SETBP1: variants seen among roughly 807,000 people sequenced by gnomAD.
The protein encoded by SETBP1 is SET-binding protein.
In SETBP1, 9 loss-of-function variants were observed where a neutral mutation model predicts 101.0. The ratio of observed to expected loss-of-function variants is 0.09; its 90% confidence interval spans 0.05 to 0.16. SETBP1 has a LOEUF of 0.16. Ranked by LOEUF, SETBP1 falls within the 10% of genes least tolerant of loss-of-function variation. The pLI, the probability that SETBP1 is intolerant of heterozygous loss-of-function variation, is 1.00. For synonymous variants in SETBP1, 818 were observed against 788.5 expected (o/e 1.04, Z -0.63); for missense variants, 1,858 against 2,033.8 (o/e 0.91, Z 1.66).
At chr18:44,903,723 A>G (rs2070106014) in intron 3 of SETBP1, among the ~76,000 whole-genome samples, 2 of 152,226 alleles carry the variant, frequency 1.3e-5, no homozygotes, top group Admixed American at 1.3e-4. Context: ...ATCACAGACT[A>G]GGTACAAAAT....
chr18:44,903,784 A>G (rs1474819449), intron 3 of SETBP1, among the ~76,000 whole-genome samples: 3 of 152,202 alleles, frequency 2.0e-5, no homozygotes, highest in Non-Finnish European at 4.4e-5. Flanking sequence ...AGTTCATCTA[A>G]TTTCACAGAG....
At chr18:44,992,673 C>T (rs539557429) in intron 4 of SETBP1, among the ~76,000 whole-genome samples, 53 of 152,012 alleles carry the variant, frequency 3.5e-4, no homozygotes, top group Admixed American at 9.8e-4. Flanking sequence ...AGAAAACCCA[C>T]ATTTCCCTTT....
At chr18:44,937,794 T>C (rs1271270496) in intron 3 of SETBP1, among the ~76,000 whole-genome samples, 1 of 152,206 alleles carries the variant, frequency 6.6e-6, no homozygotes, top group East Asian at 1.9e-4. Context: ...GTGACTCTTG[T>C]GCGCTCTGAA....
At chr18:44,779,467 G>C (rs2071078641) in intron 2 of SETBP1, among the ~76,000 whole-genome samples, 1 of 152,220 alleles carries the variant, frequency 6.6e-6, no homozygotes, top group African/African-American at 2.4e-5. Context: ...GCTTCAGCAT[G>C]TATGAGGTTC....
chr18:44,955,119 T>C (rs1399378153), intron 4 of SETBP1, among the ~76,000 whole-genome samples: 1 of 152,198 alleles, frequency 6.6e-6, no homozygotes, highest in Non-Finnish European at 1.5e-5. Flanking sequence ...TTTACGAGGA[T>C]TTGTCTGTGG....
intron 2 of SETBP1, among the ~76,000 whole-genome samples, chr18:44,743,650 C>A: frequency 6.6e-6 from 1 of 152,184 alleles, no homozygotes; most frequent in East Asian, 1.9e-4. Flanking sequence ...AAGAAAATAG[C>A]TCTGTGGCTA....
intron 4 of SETBP1, among the ~76,000 whole-genome samples, chr18:44,961,358 C>A (rs2071607114): frequency 6.6e-6 from 1 of 152,152 alleles, no homozygotes; most frequent in Non-Finnish European, 1.5e-5. Flanking sequence ...AAATGTTAAA[C>A]ATTATGTATT....
At chr18:44,713,873 G>T (rs2069400773) in intron 2 of SETBP1, among the ~76,000 whole-genome samples, 1 of 152,152 alleles carries the variant, frequency 6.6e-6, no homozygotes, top group Non-Finnish European at 1.5e-5. Context: ...TTATACAGAT[G>T]GTCTGGTTTG....
chr18:44,920,557 G>A (rs139893838), intron 3 of SETBP1, among the ~76,000 whole-genome samples: 1 of 152,194 alleles, frequency 6.6e-6, no homozygotes, highest in Non-Finnish European at 1.5e-5. Context: ...GAGGGGTGCA[G>A]GAAGATCAGA....
intron 3 of SETBP1, among the ~76,000 whole-genome samples, chr18:44,884,147 C>T (rs1044242542): frequency 6.6e-6 from 1 of 152,186 alleles, no homozygotes; most frequent in African/African-American, 2.4e-5. Flanking sequence ...AGAGGATTTT[C>T]TGCAGGTACA....
intron 4 of SETBP1, among the ~76,000 whole-genome samples, chr18:45,006,146 G>T (rs1436772402): frequency 6.6e-6 from 1 of 151,500 alleles, no homozygotes; most frequent in Non-Finnish European, 1.5e-5. Flanking sequence ...TAGAGACAGG[G>T]TTTCACCATT....
intron 1 of SETBP1, among the ~76,000 whole-genome samples, chr18:44,682,080 G>A (rs929730693): frequency 1.4e-4 from 22 of 151,786 alleles, no homozygotes; most frequent in Admixed American, 7.9e-4. Context: ...TCTTCATCCT[G>A]TTTTTCTTCT....
At position 44,709,645 on chromosome 18, in the gene SETBP1, A is replaced by G. The variant is rs181271676; in HGVS notation, c.486+7813A>G. On this transcript the variant is annotated intron_variant, in intron 2 of 5. Coordinates refer to ENST00000649279, the MANE Select transcript of SETBP1 (RefSeq NM_015559.3). ...TGGCATCTCTCCCTGCGGACCATCC[A>G]TAGGAGCTTCCTTAGTTGAGGCACA... Among the ~76,000 whole-genome samples the G allele has an allele frequency of 3.8e-3, 578 of 152,212 alleles. 4 individuals carry two copies. Among genetic ancestry groups the G allele is most frequent in the African/African-American group, 0.013 (559 of 41,516 alleles).
intron 2 of SETBP1, among the ~76,000 whole-genome samples, chr18:44,864,184 G>C (rs2095364749): frequency 1.3e-5 from 2 of 152,170 alleles, no homozygotes; most frequent in African/African-American, 4.8e-5. Flanking sequence ...GCAGGGAGAA[G>C]GGCAGCTGTT....
intron 3 of SETBP1, among the ~76,000 whole-genome samples, chr18:44,887,600 A>C (rs2069677622): frequency 6.6e-6 from 1 of 152,186 alleles, no homozygotes; most frequent in South Asian, 2.1e-4. Context: ...CTAAGTCCTT[A>C]GTGGCAGGAA....
At chr18:44,955,139 G>A (rs2071454458) in intron 4 of SETBP1, among the ~76,000 whole-genome samples, 1 of 152,198 alleles carries the variant, frequency 6.6e-6, no homozygotes, top group Non-Finnish European at 1.5e-5. Context: ...GCCAGGCTGT[G>A]TTGCTGAGTG....
At chr18:44,828,726 C>T (rs1284920051) in intron 2 of SETBP1, among the ~76,000 whole-genome samples, 1 of 152,206 alleles carries the variant, frequency 6.6e-6, no homozygotes. Context: ...CCCAATGTGA[C>T]TGTATTCAGA....
At chr18:44,897,366 A>G (rs2069930961) in intron 3 of SETBP1, among the ~76,000 whole-genome samples, 1 of 152,132 alleles carries the variant, frequency 6.6e-6, no homozygotes, top group Non-Finnish European at 1.5e-5. Flanking sequence ...TTTTGTGAAG[A>G]CAATATGGTG....
rs142017624 is a variant in SETBP1 at position 45,027,754 on chromosome 18, T to A, written c.4001-10731T>A. On this transcript the variant is annotated intron_variant, in intron 4 of 5. Transcript: ENST00000649279. ...GTTTTCTCTTGCTGCCATAACAAATTTCCACAAACTTAGTGGCTTAAACAA... is the reference window on the plus strand; with the variant it reads ...GTTTTCTCTTGCTGCCATAACAAATATCCACAAACTTAGTGGCTTAAACAA... 3.9e-3 allele frequency among the ~76,000 whole-genome samples: 588 copies of A among 152,294 alleles called. 3 individuals are homozygous for A. The highest frequency in any genetic ancestry group is 0.013 in the African/African-American group (551 of 41,574).
Sources: gnomAD v4.1 joint callset for allele counts (sites outside exome capture counted in the v4.1 genomes callset) on GRCh38, gnomAD v4.1.1 for gene constraint, MANE v1.5 for transcripts, NCBI Gene and HGNC (gene_info 2026-07-23, HGNC 2026-07-21) for gene names.